Variants in STX7 observed in about 807,000 individuals in gnomAD.
STX7 encodes syntaxin-7.
In STX7, 34 loss-of-function variants were observed where a neutral mutation model predicts 39.6. The ratio of observed to expected loss-of-function variants is 0.86; its 90% CI spans 0.65 to 1.14. The LOEUF (loss-of-function observed/expected upper bound fraction) is 1.14, where lower values mean the gene tolerates loss of function less well. STX7 is among the 50% of genes most tolerant of loss of function. The probability of loss-of-function intolerance (pLI) is 0.00; values close to 1 mark genes in which losing one functional copy is unlikely to be tolerated. For missense variants in STX7, 284 were observed against 310.4 expected, an observed-to-expected ratio of 0.92 and a Z score of 0.64; for synonymous variants, 119 against 99.1, an observed-to-expected ratio of 1.20 and a Z score of -1.19.
intron 3 of STX7, among the ~76,000 whole-genome samples, chr6:132,473,223 G>A (rs933892582): frequency 1.3e-5 from 2 of 152,060 alleles, no homozygotes; most frequent in South Asian, 2.1e-4. Context: ...TTAAGTTTAC[G>A]CTGGAAAAAA....
rs1232841046 is a variant in STX7, at chr6:132,475,592, C to T, written c.155+1G>A. 2 of 1,597,098 alleles carry T rather than the reference C, an allele frequency of 1.3e-6. No homozygotes were observed. The highest frequency in any genetic ancestry group is 1.7e-6 in the Non-Finnish European group (2 of 1,171,054). On this transcript the variant is annotated splice_donor_variant, in intron 3 of 9. Coordinates refer to ENST00000367941, the MANE Select transcript of STX7 (RefSeq NM_003569.3). LOFTEE classifies it high-confidence loss of function. Reference sequence around the variant, plus strand: ...TTTTATTTATTTAACTAGATACTTACAACTGTTGCCTCAATTCAGGTGAAT... The same window carrying T: ...TTTTATTTATTTAACTAGATACTTATAACTGTTGCCTCAATTCAGGTGAAT...
chr6:132,509,987 A>T (rs1363316902), intron 1 of STX7, among the ~76,000 whole-genome samples: 1 of 152,218 alleles, frequency 6.6e-6, no homozygotes, highest in Non-Finnish European at 1.5e-5. Context: ...TCAGAATAAT[A>T]ATTATATAAT....
In STX7 at chr6:132,458,827, G is replaced by C; in HGVS notation, c.*1931C>G. 1 of 152,098 alleles carries C rather than the reference G, an allele frequency of 6.6e-6. No homozygotes were observed. The highest frequency in any genetic ancestry group is 1.9e-4 in the East Asian group (1 of 5,204). 9.4% of individuals were successfully genotyped at this position (152,098 alleles called of 1,614,324 possible). A position where few individuals can be genotyped will look rare whatever the true frequency, so the allele number is the denominator to read the frequency against. The stretch of plus-strand genomic sequence containing the variant: ...GTTCCTGTTTAAACCACTGATAACT[G>C]CCCCAGTTAAAATAATAATAATTTA... On this transcript the variant is annotated 3_prime_UTR_variant, in exon 10 of 10. Transcript: ENST00000367941.
intron 9 of STX7, chr6:132,461,704 A>T (rs1164597823): frequency 1.1e-6 from 1 of 910,170 alleles, no homozygotes; most frequent in African/African-American, 1.7e-5. Flanking sequence ...AACTACATTC[A>T]AAATCTCAAC....
intron 1 of STX7, among the ~76,000 whole-genome samples, chr6:132,511,904 A>AT (rs1369043353): frequency 6.6e-6 from 1 of 152,244 alleles, no homozygotes; most frequent in Non-Finnish European, 1.5e-5. Context: ...CAAGAGCAAC[A>AT]TAAGTAACAT....
intron 2 of STX7, among the ~76,000 whole-genome samples, chr6:132,484,773 G>A (rs945436567): frequency 6.6e-6 from 1 of 152,178 alleles, no homozygotes; most frequent in African/African-American, 2.4e-5. Context: ...TAGAGTTGGA[G>A]CCAGACAGCC....
chr6:132,457,752 A>T lies in STX7; in HGVS notation c.*3006T>A, dbSNP rs1774278066. 6.6e-6 allele frequency: 1 copy of T among 152,172 alleles called. No homozygotes were observed. The highest frequency in any genetic ancestry group is 2.4e-5 in the African/African-American group (1 of 41,436). 9.4% of individuals were successfully genotyped at this position (152,172 alleles called of 1,614,324 possible). ...ATATTTAAATGAACTTGAAAATGTC[A>T]TTCAACTCAAATCCCTCAATCAACT... On this transcript the variant is annotated 3_prime_UTR_variant, in exon 10 of 10. Coordinates refer to ENST00000367941, the MANE Select transcript of STX7 (RefSeq NM_003569.3).
chr6:132,512,161 C>T (rs1048316857), intron 1 of STX7, among the ~76,000 whole-genome samples: 9 of 152,128 alleles, frequency 5.9e-5, no homozygotes, highest in Non-Finnish European at 1.2e-4. Context: ...CACAGCATTT[C>T]ATAATTACTT....
At chr6:132,485,982 G>A (rs1775123318) in intron 2 of STX7, among the ~76,000 whole-genome samples, 1 of 152,242 alleles carries the variant, frequency 6.6e-6, no homozygotes, top group East Asian at 1.9e-4. Flanking sequence ...GTAAATGCCA[G>A]CTTTTTAAAT....
intron 1 of STX7, among the ~76,000 whole-genome samples, chr6:132,512,224 A>G (rs997997364): frequency 6.6e-6 from 1 of 152,216 alleles, no homozygotes; most frequent in Non-Finnish European, 1.5e-5. Flanking sequence ...AATTATAGTC[A>G]GAATACAACG....
At chr6:132,485,833 T>C (rs7770893) in intron 2 of STX7, among the ~76,000 whole-genome samples, 3,561 of 152,354 alleles carry the variant, frequency 0.023, 126 homozygotes, top group African/African-American at 0.08. Context: ...AATAACAATA[T>C]TGTCTTCTGA....
rs78022569 is a variant in STX7 at position 132,472,094 on chromosome 6, T to C, written c.249+188A>G. ...ATGCATGGAAATAATTTTTGCTTTA[T>C]TGAACCACAGGATACTACCTGAGCA... On this transcript the variant is annotated intron_variant, in intron 4 of 9. Coordinates refer to ENST00000367941, the MANE Select transcript of STX7 (RefSeq NM_003569.3). Among the ~76,000 whole-genome samples the C allele has an allele frequency of 1.2e-3, 189 of 152,334 alleles. 1 individual carries two copies. Among genetic ancestry groups the C allele is most frequent in the African/African-American group, 4.3e-3 (179 of 41,580 alleles).
In STX7 at chr6:132,451,069, A is replaced by G. The variant is rs960852646; in HGVS notation, c.*9689T>C. ...GGACCAAAACAATTTAAAAAACTGGATTTCTCATGGGGAACCATGAAATTT... is the reference window on the plus strand; with the variant it reads ...GGACCAAAACAATTTAAAAAACTGGGTTTCTCATGGGGAACCATGAAATTT... On this transcript the variant is annotated 3_prime_UTR_variant, in exon 10 of 10. Transcript: ENST00000367941. The G allele has an allele frequency of 2.0e-5, 3 of 151,784 alleles. No individual in the cohort carries two copies. Among genetic ancestry groups the G allele is most frequent in the Non-Finnish European group, 4.4e-5 (3 of 67,890 alleles). 9.4% of individuals were successfully genotyped at this position (151,784 alleles called of 1,614,324 possible).
rs1173576318 is a variant in STX7 at position 132,449,675 on chromosome 6, G to A, written c.*11083C>T. The stretch of plus-strand genomic sequence containing the variant: ...AATCTGCTCTTAAACCATTCATTAT[G>A]TTATATATTTCAATAATTAAATTTC... On this transcript the variant is annotated 3_prime_UTR_variant, in exon 10 of 10. Coordinates refer to ENST00000367941, the MANE Select transcript of STX7 (RefSeq NM_003569.3). The A allele has an allele frequency of 6.6e-6, 1 of 152,022 alleles. No homozygotes were observed. The highest frequency in any genetic ancestry group is 1.5e-5 in the Non-Finnish European group (1 of 68,010). 9.4% of individuals were successfully genotyped at this position (152,022 alleles called of 1,614,324 possible).
intron 1 of STX7, among the ~76,000 whole-genome samples, chr6:132,509,448 T>TTAA (rs1562343402): frequency 1.3e-3 from 80 of 61,206 alleles, no homozygotes; most frequent in Non-Finnish European, 1.8e-3. Context: ...GAGACTCGTC[T>TTAA]CAAAATAACA....
At chr6:132,474,957 C>A (rs1242682951) in intron 3 of STX7, among the ~76,000 whole-genome samples, 4 of 151,884 alleles carry the variant, frequency 2.6e-5, no homozygotes, top group Non-Finnish European at 4.4e-5. Context: ...TGGATCTAAA[C>A]CAAATAAAAC....
intron 2 of STX7, among the ~76,000 whole-genome samples, chr6:132,491,699 C>A (rs774276923): frequency 6.6e-6 from 1 of 152,176 alleles, no homozygotes; most frequent in Admixed American, 6.5e-5. Flanking sequence ...CTCAGCCACA[C>A]ACTCCAAGAT....
intron 2 of STX7, among the ~76,000 whole-genome samples, chr6:132,486,290 C>T (rs1449104753): frequency 6.6e-6 from 1 of 152,138 alleles, no homozygotes; most frequent in Non-Finnish European, 1.5e-5. Context: ...TGTTCCTGAT[C>T]TTATAAAGGA....
At chr6:132,501,754 G>A (rs4897588) in intron 2 of STX7, among the ~76,000 whole-genome samples, 11,752 of 152,028 alleles carry the variant, frequency 0.077, 562 homozygotes, top group East Asian at 0.15. Context: ...CTCCTTTCTT[G>A]CATAAAGGTC....
Sources: gnomAD v4.1 joint callset for allele counts (sites outside exome capture counted in the v4.1 genomes callset) on GRCh38, gnomAD v4.1.1 for gene constraint, MANE v1.5 for transcripts, NCBI Gene and HGNC (gene_info 2026-07-23, HGNC 2026-07-21) for gene names.